KCND3: variants seen among roughly 807,000 people sequenced by gnomAD.
KCND3 encodes potassium voltage-gated channel subfamily D member 3.
Under a neutral mutation model 51.1 loss-of-function variants are expected in KCND3, and 9 were observed. The observed-to-expected ratio is 0.18, with a 90% confidence interval of 0.11 to 0.31. The LOEUF is 0.31. Among genes scored for constraint, KCND3 ranks in the 10% least tolerant of loss-of-function variants. KCND3 has a pLI of 1.00. For missense variants in KCND3, 526 were observed against 903.8 expected (o/e 0.58, Z 5.36); for synonymous variants, 349 against 368.0 (o/e 0.95, Z 0.59).
At chr1:111,778,304 C>T in intron 6 of KCND3, 132 bp downstream of exon 6, 3 of 854,886 alleles carry the variant, frequency 3.5e-6, no homozygotes, top group Non-Finnish European at 6.1e-6. Context: ...GGTGTGACAG[C>T]AGAGGTAGGA....
intron 2 of KCND3, among the ~76,000 whole-genome samples, chr1:111,862,937 G>A (rs1668400578): frequency 6.6e-6 from 1 of 152,186 alleles, no homozygotes; most frequent in African/African-American, 2.4e-5. Context: ...TACCAGATGG[G>A]CAATACGTGA....
intron 2 of KCND3, among the ~76,000 whole-genome samples, chr1:111,931,414 A>T (rs889270367): frequency 2.6e-5 from 4 of 152,112 alleles, no homozygotes; most frequent in Non-Finnish European, 5.9e-5. Context: ...CCCCTAAAAA[A>T]CCTGTAGAGT....
chr1:111,938,573 A>G (rs1672330400), intron 2 of KCND3, among the ~76,000 whole-genome samples: 1 of 152,152 alleles, frequency 6.6e-6, no homozygotes, highest in Non-Finnish European at 1.5e-5. Context: ...GGGGATGCAA[A>G]TTTTATCTAG....
intron 2 of KCND3, among the ~76,000 whole-genome samples, chr1:111,809,166 G>T (rs970698049): frequency 1.3e-5 from 2 of 152,214 alleles, no homozygotes; most frequent in African/African-American, 2.4e-5. Context: ...GTTGAAGGTA[G>T]AGGTGGAAAC....
intron 2 of KCND3, among the ~76,000 whole-genome samples, chr1:111,857,633 C>T (rs1571750276): frequency 1.3e-5 from 2 of 151,774 alleles, no homozygotes; most frequent in East Asian, 3.9e-4. Context: ...GTCTTCTCCT[C>T]TCTGTTCCTG....
intron 2 of KCND3, among the ~76,000 whole-genome samples, chr1:111,862,392 G>A (rs895100447): frequency 6.6e-5 from 10 of 152,260 alleles, no homozygotes; most frequent in African/African-American, 2.4e-4. Flanking sequence ...GCCATGGGCC[G>A]AATGCTAATG....
At chr1:111,874,285 T>G (rs1379071996) in intron 2 of KCND3, among the ~76,000 whole-genome samples, 2 of 152,220 alleles carry the variant, frequency 1.3e-5, no homozygotes, top group Non-Finnish European at 2.9e-5. Context: ...CATGGACCGC[T>G]GAGGAGTTGC....
At chr1:111,848,464 G>A (rs1346502680) in intron 2 of KCND3, among the ~76,000 whole-genome samples, 2 of 152,138 alleles carry the variant, frequency 1.3e-5, no homozygotes, top group African/African-American at 4.8e-5. Context: ...CCCTCCCCTA[G>A]GTGCTGATCT....
Position 111,981,800 on chromosome 1 carries a change from G to A in KCND3, c.927C>T (p.Ile309=). ...CACAGCTCTTCAGTGTGTAGCCCAG[G>A]ATCCGCAGGCCCTGGGAGTGGCGGG... ...KFSRHSQGLR[I]LGYTLKSCAS... The change falls in exon 2 of 8, where the codon ATC becomes ATT. Residue 309 remains isoleucine (I), a synonymous_variant. Transcript: ENST00000302127. The surrounding 1 kb of genome is among the most constrained non-coding windows in gnomAD (Gnocchi z 6.2). 2 of 1,614,122 alleles carry A rather than the reference G, an allele frequency of 1.2e-6. No individual in the cohort carries two copies. The highest frequency in any genetic ancestry group is 1.7e-6 in the Non-Finnish European group (2 of 1,180,010).
In KCND3 at chr1:111,777,107, A is replaced by G; in HGVS notation, c.1685T>C (p.Leu562Pro). ...CATGCTGCGCAGGCGAGTAGCTGGC[A>G]GGTTAGAATTGGGCAGGTGTGTGGT... The part of the protein sequence containing the change: ...KKTTHLPNSN[L>P]PATRLRSMQE... Residue 562 changes from leucine (L) to proline (P), a missense_variant, in exon 7 of 8, where the codon CTG (leucine) becomes CCG (proline). Coordinates refer to ENST00000302127, the MANE Select transcript of KCND3 (RefSeq NM_001378969.1). 1 of 1,614,124 alleles carries G rather than the reference A, an allele frequency of 6.2e-7. No homozygotes were observed. Among genetic ancestry groups the G allele is most frequent in the Non-Finnish European group, 8.5e-7 (1 of 1,179,980 alleles).
intron 2 of KCND3, among the ~76,000 whole-genome samples, chr1:111,857,098 C>T (rs756933481): frequency 4.6e-5 from 7 of 152,206 alleles, no homozygotes; most frequent in Admixed American, 2.0e-4. Context: ...CGTCATGCGC[C>T]TTCTCATTGA....
intron 2 of KCND3, among the ~76,000 whole-genome samples, chr1:111,852,264 G>A (rs1667851874): frequency 6.6e-6 from 1 of 152,224 alleles, no homozygotes; most frequent in African/African-American, 2.4e-5. Flanking sequence ...ATGGAGTGGG[G>A]GCTGGAAAAG....
chr1:111,922,565 C>T (rs565776879), intron 2 of KCND3, among the ~76,000 whole-genome samples: 2 of 152,350 alleles, frequency 1.3e-5, no homozygotes, highest in African/African-American at 4.8e-5. Context: ...TGCTTATCCT[C>T]TCTGTGCCTG....
intron 2 of KCND3, among the ~76,000 whole-genome samples, chr1:111,887,734 G>C (rs1669633201): frequency 6.6e-6 from 1 of 152,158 alleles, no homozygotes; most frequent in African/African-American, 2.4e-5. Context: ...CTGGAAAAGA[G>C]AAAGACCTGC....
chr1:111,845,551 T>TA (rs1667508219), intron 2 of KCND3, among the ~76,000 whole-genome samples: 1 of 151,306 alleles, frequency 6.6e-6, no homozygotes, highest in African/African-American at 2.4e-5. Context: ...TACCCCAGGG[T>TA]CTCCTCCTGT....
At chr1:111,907,883 A>G (rs1341660623) in intron 2 of KCND3, among the ~76,000 whole-genome samples, 2 of 152,210 alleles carry the variant, frequency 1.3e-5, no homozygotes, top group Non-Finnish European at 2.9e-5. Context: ...AACCATTCTA[A>G]TACTCACTGG....
intron 2 of KCND3, among the ~76,000 whole-genome samples, chr1:111,859,258 C>A (rs1571752795): frequency 8.7e-6 from 1 of 115,606 alleles, no homozygotes; most frequent in African/African-American, 3.3e-5. Context: ...TTTTGAAGTT[C>A]TTCTTCTCCC....
At position 111,981,443 on chromosome 1, in the gene KCND3, A is replaced by G. The variant is rs1222144093; in HGVS notation, c.1106+178T>C. ...AAAACTCAATTCCCAGCAAGCTACCACCCCCAAACAGATGACTCATGGGCT... is the reference window on the plus strand; with the variant it reads ...AAAACTCAATTCCCAGCAAGCTACCGCCCCCAAACAGATGACTCATGGGCT... On this transcript the variant is annotated intron_variant, in intron 2 of 7. Coordinates refer to ENST00000302127, the MANE Select transcript of KCND3 (RefSeq NM_001378969.1). This position sits in a 1 kb window ranked among gnomAD's most constrained non-coding sequence, Gnocchi z 6.2. Among the ~76,000 whole-genome samples the G allele has an allele frequency of 1.3e-5, 2 of 151,886 alleles. No homozygotes were observed. The highest frequency in any genetic ancestry group is 6.6e-5 in the Admixed American group (1 of 15,242).
At chr1:111,851,188 T>C (rs957777058) in intron 2 of KCND3, among the ~76,000 whole-genome samples, 4 of 152,230 alleles carry the variant, frequency 2.6e-5, no homozygotes, top group Admixed American at 6.5e-5. Context: ...TGTTTCTTTC[T>C]CTCTTACCTT....
Sources: allele counts gnomAD v4.1 joint callset (sites outside exome capture counted in the v4.1 genomes callset), GRCh38; gene constraint gnomAD v4.1.1; non-coding constraint Gnocchi (gnomAD v3.1); transcripts MANE v1.5; gene names NCBI Gene and HGNC (gene_info 2026-07-23, HGNC 2026-07-21).